AIG1: variants seen among roughly 807,000 people sequenced by gnomAD.
AIG1 encodes androgen-induced gene 1 protein.
In AIG1, 23 loss-of-function variants were observed where a neutral mutation model predicts 31.4. The ratio of observed to expected loss-of-function variants is 0.73; its 90% CI spans 0.53 to 1.04. The LOEUF is 1.04. Among genes scored for constraint, AIG1 ranks in the 50% least tolerant of loss-of-function variants. The probability of loss-of-function intolerance (pLI) is 0.00; values close to 1 mark genes in which losing one functional copy is unlikely to be tolerated. For missense variants in AIG1, 274 were observed against 295.0 expected (o/e 0.93, Z 0.52); for synonymous variants, 100 against 110.5 (o/e 0.90, Z 0.60).
intron 2 of AIG1, among the ~76,000 whole-genome samples, chr6:143,149,882 AAAAATTGGTTGC>A (rs1381857469): frequency 2.0e-5 from 3 of 152,210 alleles, no homozygotes; most frequent in Admixed American, 2.0e-4. Context: ...GCTACCTTTA[AAAAATTGGTTGC>A]AAAATGTATC....
At chr6:143,071,839 A>G (rs1777309117) in intron 1 of AIG1, among the ~76,000 whole-genome samples, 5 of 151,298 alleles carry the variant, frequency 3.3e-5, no homozygotes, top group Admixed American at 2.0e-4. Context: ...GCTGGAGTGC[A>G]GTGGCATGAT....
chr6:143,155,718 A>G (rs1785681044), intron 2 of AIG1, among the ~76,000 whole-genome samples: 1 of 152,166 alleles, frequency 6.6e-6, no homozygotes, highest in African/African-American at 2.4e-5. Flanking sequence ...AAAACGCACA[A>G]AGGAATGGAT....
intron 1 of AIG1, among the ~76,000 whole-genome samples, chr6:143,097,516 G>A (rs1257097535): frequency 6.6e-6 from 1 of 152,142 alleles, no homozygotes; most frequent in Admixed American, 6.5e-5. Flanking sequence ...AATCACAGAA[G>A]CCTCCCGTGT....
chr6:143,317,527 G>A (rs1388421380), intron 4 of AIG1, among the ~76,000 whole-genome samples: 1 of 152,092 alleles, frequency 6.6e-6, no homozygotes. Flanking sequence ...AGCCATCTAC[G>A]ACAAACCCAC....
intron 1 of AIG1, among the ~76,000 whole-genome samples, chr6:143,075,505 C>T (rs1401259468): frequency 6.6e-6 from 1 of 152,036 alleles, no homozygotes; most frequent in Non-Finnish European, 1.5e-5. Flanking sequence ...GGGGTTTTGC[C>T]ATGTTGCCCA....
chr6:143,289,336 A>G (rs1034528879), intron 4 of AIG1, among the ~76,000 whole-genome samples: 7 of 152,124 alleles, frequency 4.6e-5, no homozygotes, highest in Non-Finnish European at 1.0e-4. Context: ...TATTGCCCCA[A>G]AGAGTTTGTT....
chr6:143,156,225 G>A (rs957484508), intron 2 of AIG1, among the ~76,000 whole-genome samples: 3 of 152,228 alleles, frequency 2.0e-5, no homozygotes, highest in Non-Finnish European at 4.4e-5. Flanking sequence ...CTGTGGCCTT[G>A]TTGGAAATTG....
rs1281810652 is a variant in AIG1 at position 143,279,730 on chromosome 6, G to A, written c.400-4380G>A. Among the ~76,000 whole-genome samples, 1 of 152,138 alleles carries A rather than the reference G, an allele frequency of 6.6e-6. No individual in the cohort carries two copies. Among genetic ancestry groups the A allele is most frequent in the Non-Finnish European group, 1.5e-5 (1 of 68,018 alleles). On this transcript the variant is annotated intron_variant, in intron 3 of 5. Transcript: ENST00000357847. The surrounding 1 kb of genome is among the most constrained non-coding windows in gnomAD (Gnocchi z 5.4). ...AGACCCCATTAAGAAAAGCACAAAT[G>A]ATGCAATAAATCAGGATAGATTTAG...
chr6:143,117,562 G>A (rs1781844615), intron 1 of AIG1, among the ~76,000 whole-genome samples: 1 of 152,178 alleles, frequency 6.6e-6, no homozygotes, highest in African/African-American at 2.4e-5. Flanking sequence ...AGAGCTCAAG[G>A]AGTTCAGATT....
intron 4 of AIG1, among the ~76,000 whole-genome samples, chr6:143,319,620 G>A (rs1776039822): frequency 1.3e-5 from 2 of 151,562 alleles, no homozygotes; most frequent in East Asian, 1.9e-4. Flanking sequence ...AAAAACTATT[G>A]AAATGAAACA....
At chr6:143,156,674 G>T (rs1583354747) in intron 2 of AIG1, among the ~76,000 whole-genome samples, 1 of 152,210 alleles carries the variant, frequency 6.6e-6, no homozygotes, top group Non-Finnish European at 1.5e-5. Context: ...CCCTTGGGAG[G>T]TTCCCCTGTT....
chr6:143,157,704 T>C (rs966013137), intron 2 of AIG1, among the ~76,000 whole-genome samples: 5 of 152,186 alleles, frequency 3.3e-5, no homozygotes, highest in African/African-American at 1.2e-4. Flanking sequence ...ATAAGTTCAT[T>C]CACCTTTATC....
At chr6:143,263,763 TA>T (rs1416728942) in intron 3 of AIG1, among the ~76,000 whole-genome samples, 1 of 152,236 alleles carries the variant, frequency 6.6e-6, no homozygotes, top group Non-Finnish European at 1.5e-5. Context: ...GGTTGTATAA[TA>T]TTCCACCGAG....
At chr6:143,320,874 T>G (rs1214839293) in intron 4 of AIG1, among the ~76,000 whole-genome samples, 1 of 149,038 alleles carries the variant, frequency 6.7e-6, no homozygotes, top group East Asian at 2.0e-4. Context: ...CAGGCTGGAG[T>G]GCAATGGCGC....
chr6:143,191,292 A>AAT (rs1464750757), intron 3 of AIG1, among the ~76,000 whole-genome samples: 1 of 152,124 alleles, frequency 6.6e-6, no homozygotes, highest in African/African-American at 2.4e-5. Flanking sequence ...AATTAATATT[A>AAT]ATATTTAATA....
chr6:143,201,895 C>T (rs1299685173), intron 3 of AIG1, among the ~76,000 whole-genome samples: 2 of 152,172 alleles, frequency 1.3e-5, no homozygotes, highest in Non-Finnish European at 2.9e-5. Flanking sequence ...ATGAGTAGAG[C>T]CATCCTTACG....
At chr6:143,127,016 A>T (rs1299873162) in intron 1 of AIG1, among the ~76,000 whole-genome samples, 1 of 152,190 alleles carries the variant, frequency 6.6e-6, no homozygotes, top group Admixed American at 6.5e-5. Context: ...TCTACAGAGT[A>T]ATATCTATCT....
rs541919462 is a variant in AIG1 at position 143,180,551 on chromosome 6, C to T, written c.399+15368C>T. Among the ~76,000 whole-genome samples, 6 of 152,212 alleles carry T rather than the reference C, an allele frequency of 3.9e-5. No individual in the cohort carries two copies. In the South Asian group the frequency reaches 1.2e-3, roughly 32 times the overall value. On this transcript the variant is annotated intron_variant, in intron 3 of 5. Transcript: ENST00000357847. The stretch of plus-strand genomic sequence containing the variant: ...CAATAAATAAATAAATATTTAAACT[C>T]CAGAAAGATTGCTGAGCTTCAGTGA...
At chr6:143,073,690 C>T (rs927758107) in intron 1 of AIG1, among the ~76,000 whole-genome samples, 2 of 152,108 alleles carry the variant, frequency 1.3e-5, no homozygotes, top group African/African-American at 4.8e-5. Context: ...GTGTAGGAAA[C>T]ATAACACTAG....
Sources: allele counts gnomAD v4.1 joint callset (sites outside exome capture counted in the v4.1 genomes callset), GRCh38; gene constraint gnomAD v4.1.1; non-coding constraint Gnocchi (gnomAD v3.1); transcripts MANE v1.5; gene names NCBI Gene and HGNC (gene_info 2026-07-23, HGNC 2026-07-21).